ASAH1: variants seen among roughly 807,000 people sequenced by gnomAD.
ASAH1 encodes N-acylsphingosine amidohydrolase 1.
A neutral mutation model predicts 59.5 loss-of-function variants in ASAH1; 70 were observed. The ratio of observed to expected loss-of-function variants is 1.18; its 90% confidence interval spans 0.97 to 1.43. The LOEUF is 1.43. Among genes scored for constraint, ASAH1 ranks in the 40% most tolerant of loss-of-function variants. The pLI is 0.00. For synonymous variants in ASAH1, 213 were observed against 166.5 expected, an observed-to-expected ratio of 1.28 and a Z score of -2.15; for missense variants, 660 against 482.5, an observed-to-expected ratio of 1.37 and a Z score of -3.45.
chr8:18,073,162 T>G (rs1800244938), intron 2 of ASAH1: 2 of 1,180,502 alleles, frequency 1.7e-6, no homozygotes, highest in Admixed American at 2.4e-5. Context: ...TAGCCATAAT[T>G]GCACATTTTA....
intron 6 of ASAH1, 117 bp downstream of exon 6, chr8:18,064,340 T>G (rs767678690): frequency 4.9e-6 from 4 of 811,802 alleles, no homozygotes; most frequent in Admixed American, 2.3e-5. Flanking sequence ...AAAAGCTGTA[T>G]GCAACATACA....
chr8:18,081,667 C>CA (rs1291729234), intron 1 of ASAH1, among the ~76,000 whole-genome samples: 3 of 152,200 alleles, frequency 2.0e-5, no homozygotes, highest in Admixed American at 2.0e-4. Context: ...AACAAACACA[C>CA]AAAAAATCCT....
intron 5 of ASAH1, 32 bp from the exon 6 acceptor site, chr8:18,064,563 C>G (rs373897235): frequency 8.0e-7 from 1 of 1,243,458 alleles, no homozygotes; most frequent in South Asian, 1.2e-5. Flanking sequence ...TGTTAATATA[C>G]AGAACCATGA....
At chr8:18,061,800 C>G (rs954188296) in intron 8 of ASAH1, 60 bp from the exon 9 acceptor site, 1 of 1,459,460 alleles carries the variant, frequency 6.9e-7, no homozygotes, top group Non-Finnish European at 9.4e-7. Context: ...AAGGCCCTGT[C>G]GCTCACTGTA....
intron 5 of ASAH1, 76 bp downstream of exon 5, chr8:18,067,144 T>TATCTAA: frequency 5.2e-5 from 64 of 1,223,302 alleles, no homozygotes; most frequent in Non-Finnish European, 6.6e-5. Flanking sequence ...CTGTGCTGTA[T>TATCTAA]GTATATCACA....
chr8:18,069,311 T>C (rs1461963633), intron 4 of ASAH1: 1 of 158,414 alleles, frequency 6.3e-6, no homozygotes, highest in Non-Finnish European at 1.4e-5. Flanking sequence ...TCCTGCATGA[T>C]GAGGATGAAA....
chr8:18,059,233 T>A (rs373918142), intron 12 of ASAH1, 108 bp downstream of exon 12: 11 of 1,554,624 alleles, frequency 7.1e-6, no homozygotes, highest in African/African-American at 2.7e-5. Context: ...AGAGATACTA[T>A]GAAAAATAGG....
At chr8:18,064,373 A>G (rs1799837847) in intron 6 of ASAH1, 84 bp downstream of exon 6, 2 of 1,112,412 alleles carry the variant, frequency 1.8e-6, no homozygotes, top group Non-Finnish European at 2.7e-6. Flanking sequence ...AGCAAGCCCA[A>G]ATTTCAGAAG....
intron 2 of ASAH1, among the ~76,000 whole-genome samples, chr8:18,073,960 ATATG>A (rs1356643646): frequency 1.3e-5 from 2 of 152,228 alleles, no homozygotes; most frequent in Non-Finnish European, 2.9e-5. Context: ...TTTGGAGTAC[ATATG>A]TATGTATACA....
rs1799484649 is a variant in ASAH1 at position 18,056,733 on chromosome 8, A to G, written c.*801T>C. 1 of 152,242 alleles carries G rather than the reference A, an allele frequency of 6.6e-6. No individual in the cohort carries two copies. The highest frequency in any genetic ancestry group is 6.5e-5 in the Admixed American group (1 of 15,280). The allele number at this position is 152,242 out of a possible 1,614,324, so 9.4% of individuals were successfully genotyped here. A position where few individuals can be genotyped will look rare whatever the true frequency, so the allele number is the denominator to read the frequency against. On this transcript the variant is annotated 3_prime_UTR_variant, in exon 14 of 14. Coordinates refer to ENST00000637790, the MANE Select transcript of ASAH1 (RefSeq NM_177924.5). ...TGAATGCTACTTATGAGAATTTAAA[A>G]TATGGGTTCACTTCCTATTTTCCAC...
At chr8:18,072,752 T>G (rs528206653) in intron 2 of ASAH1, among the ~76,000 whole-genome samples, 2 of 152,314 alleles carry the variant, frequency 1.3e-5, no homozygotes, top group African/African-American at 4.8e-5. Context: ...TTCCCCATAT[T>G]ATGGGCAGGT....
chr8:18,061,322 TTAATA>T (rs1315447202), intron 10 of ASAH1, 50 bp downstream of exon 10: 2 of 1,408,904 alleles, frequency 1.4e-6, no homozygotes, highest in African/African-American at 2.9e-5. Flanking sequence ...TTTTTATTTT[TTAATA>T]TGAGTAATTT....
intron 2 of ASAH1, 152 bp from the exon 3 acceptor site, chr8:18,071,542 C>A: frequency 1.7e-6 from 1 of 602,258 alleles, no homozygotes; most frequent in Non-Finnish European, 3.1e-6. Context: ...AGTTCATTCT[C>A]TACCTAGTGC....
At chr8:18,059,857 C>T in intron 10 of ASAH1, 154 bp from the exon 11 acceptor site, 1 of 689,786 alleles carries the variant, frequency 1.4e-6, no homozygotes, top group Non-Finnish European at 2.3e-6. Flanking sequence ...TGGTTTGCTG[C>T]ACCCATCAAC....
chr8:18,080,141 G>A (rs1800591700), intron 1 of ASAH1, among the ~76,000 whole-genome samples: 1 of 152,188 alleles, frequency 6.6e-6, no homozygotes, highest in African/African-American at 2.4e-5. Flanking sequence ...TAGGCCAGAT[G>A]GGGTCTATGA....
At chr8:18,073,382 C>T in intron 2 of ASAH1, 1 of 1,104,950 alleles carries the variant, frequency 9.1e-7, no homozygotes, top group Non-Finnish European at 1.3e-6. Flanking sequence ...CAAGAAATAT[C>T]ATTTCATCAT....
intron 2 of ASAH1, among the ~76,000 whole-genome samples, chr8:18,074,193 A>G (rs1800294563): frequency 6.6e-6 from 1 of 152,200 alleles, no homozygotes; most frequent in Admixed American, 6.5e-5. Context: ...GAGAGACATA[A>G]TCAATCAGTA....
chr8:18,084,429 C>T (rs1447532714), upstream of ASAH1: 17 of 1,376,098 alleles, frequency 1.2e-5, no homozygotes, highest in East Asian at 2.7e-5. Context: ...GATGGGGCGC[C>T]TCTAGCAGGC....
intron 2 of ASAH1, among the ~76,000 whole-genome samples, chr8:18,073,535 C>G (rs1800263275): frequency 6.6e-6 from 1 of 152,210 alleles, no homozygotes; most frequent in Admixed American, 6.5e-5. Context: ...AAGTGCTAGG[C>G]ATCCCGTGAG....
Sources: allele counts gnomAD v4.1 joint callset (sites outside exome capture counted in the v4.1 genomes callset), GRCh38; gene constraint gnomAD v4.1.1; transcripts MANE v1.5; gene names NCBI Gene and HGNC (gene_info 2026-07-23, HGNC 2026-07-21).